Variants in MLLT10 observed in about 807,000 individuals in gnomAD.
MLLT10 encodes the protein MLLT10 histone lysine methyltransferase DOT1L cofactor.
In MLLT10, 30 loss-of-function variants were observed where a neutral mutation model predicts 129.1. That is an observed-to-expected ratio of 0.23 (90% confidence interval 0.17 to 0.32). MLLT10 has a LOEUF of 0.32. Ranked by LOEUF, MLLT10 falls within the 10% of genes least tolerant of loss-of-function variation. The pLI, the probability that MLLT10 is intolerant of heterozygous loss-of-function variation, is 1.00. For missense variants in MLLT10, 1,119 were observed against 1,268.3 expected, an observed-to-expected ratio of 0.88 and a Z score of 1.79; for synonymous variants, 490 against 446.4, an observed-to-expected ratio of 1.10 and a Z score of -1.23.
rs747115596 is a variant in MLLT10 at position 21,733,573 on chromosome 10, C to T, written c.2477C>T (p.Ser826Phe). 8 of 1,569,096 alleles carry T rather than the reference C, an allele frequency of 5.1e-6. No homozygotes were observed. The highest frequency in any genetic ancestry group is 1.2e-5 in the South Asian group (1 of 83,374). Residue 826 changes from serine (S) to phenylalanine (F), a missense_variant, in exon 19 of 23, where the codon TCT becomes TTT. Coordinates refer to ENST00000307729, the MANE Select transcript of MLLT10 (RefSeq NM_001195626.3). The stretch of plus-strand genomic sequence containing the variant: ...GGAAACAGCTTTTTACCTGATAATT[C>T]TCTTCCTGTATTAAATCAGGTAATT... ...HIGNSFLPDN[S>F]LPVLNQDLTS... is the part of the protein sequence containing the mutation.
intron 8 of MLLT10, among the ~76,000 whole-genome samples, chr10:21,620,022 C>T (rs551681065): frequency 6.6e-5 from 10 of 151,566 alleles, no homozygotes; most frequent in South Asian, 6.3e-4. Context: ...CTCTGCCTCC[C>T]GGGTTCAAGC....
chr10:21,625,252 T>G (rs578114743), intron 8 of MLLT10: 1 of 1,163,168 alleles, frequency 8.6e-7, no homozygotes, highest in African/African-American at 1.5e-5. Flanking sequence ...CTAAGACTAT[T>G]TCAAGTTCTT....
At chr10:21,734,479 G>A (rs2058203047) in intron 20 of MLLT10, among the ~76,000 whole-genome samples, 1 of 152,138 alleles carries the variant, frequency 6.6e-6, no homozygotes, top group African/African-American at 2.4e-5. Flanking sequence ...TAAAATTTAT[G>A]TAATATTTTT....
intron 14 of MLLT10, among the ~76,000 whole-genome samples, chr10:21,717,557 TTC>T (rs1245251684): frequency 1.3e-4 from 14 of 110,944 alleles, no homozygotes; most frequent in East Asian, 3.2e-4. Context: ...TTCTTTCTTC[TTC>T]TTTCTTCCTC....
chr10:21,672,844 A>G (rs1397134110), intron 10 of MLLT10, among the ~76,000 whole-genome samples: 2 of 152,224 alleles, frequency 1.3e-5, no homozygotes, highest in Non-Finnish European at 2.9e-5. Flanking sequence ...CTCATAACCT[A>G]GGAAACTTCT....
chr10:21,663,508 C>T (rs578007106), intron 9 of MLLT10, among the ~76,000 whole-genome samples: 1 of 152,040 alleles, frequency 6.6e-6, no homozygotes, highest in South Asian at 2.1e-4. Flanking sequence ...TCCCAAGTAG[C>T]TGGGATTACA....
chr10:21,567,546 G>T (rs10828252), intron 3 of MLLT10, among the ~76,000 whole-genome samples: 33,988 of 152,052 alleles, frequency 0.22, 4,820 homozygotes, highest in Middle Eastern at 0.44. Context: ...GTAGGGAGTG[G>T]ATGCTCATTA....
chr10:21,740,383 T>G (rs1298644352), intron 22 of MLLT10, 147 bp downstream of exon 22: 1 of 823,964 alleles, frequency 1.2e-6, no homozygotes, highest in Non-Finnish European at 1.9e-6. Flanking sequence ...AGGCAAAGGA[T>G]CTAAGCCAAT....
At chr10:21,561,379 C>T (rs1265604945) in intron 3 of MLLT10, among the ~76,000 whole-genome samples, 1 of 151,924 alleles carries the variant, frequency 6.6e-6, no homozygotes, top group African/African-American at 2.4e-5. Flanking sequence ...TTCTGCCTCA[C>T]CCTTCCGAGT....
At chr10:21,728,867 T>A (rs1039570709) in intron 16 of MLLT10, among the ~76,000 whole-genome samples, 1 of 96,500 alleles carries the variant, frequency 1.0e-5, no homozygotes, top group African/African-American at 4.7e-5. Flanking sequence ...ATGTCTACAA[T>A]TTTTTTTTTT....
chr10:21,739,765 G>T (rs2058679228), intron 21 of MLLT10, among the ~76,000 whole-genome samples: 1 of 152,150 alleles, frequency 6.6e-6, no homozygotes, highest in African/African-American at 2.4e-5. Context: ...CTCTTAAGCT[G>T]CTGCACTTCC....
At chr10:21,672,819 A>C (rs1462416442) in intron 10 of MLLT10, among the ~76,000 whole-genome samples, 2 of 152,220 alleles carry the variant, frequency 1.3e-5, no homozygotes, top group East Asian at 3.8e-4. Flanking sequence ...TATGTCTTAA[A>C]GTTAAAACTT....
intron 13 of MLLT10, among the ~76,000 whole-genome samples, chr10:21,710,930 C>T (rs1032985980): frequency 6.6e-6 from 1 of 152,198 alleles, no homozygotes; most frequent in African/African-American, 2.4e-5. Flanking sequence ...GGTATCACTA[C>T]ATGTACTTAC....
rs2045344397 is a variant in MLLT10 at position 21,617,118 on chromosome 10, A to T, written c.610A>T (p.Ser204Cys). Reference protein sequence around the residue: ...CKYHFSKLKKSKRGSNRSYDQ... With the variant: ...CKYHFSKLKKCKRGSNRSYDQ... ...TATATATTTTCTTTTTTAGAAAAAG[A>T]GCAAACGGGGATCTAATAGGTCATA... is the stretch of plus-strand genomic sequence containing the variant. The change falls in exon 8 of 23, where the codon AGC becomes TGC. Residue 204 changes from serine to cysteine, a missense_variant. Physicochemically the swap from Ser to Cys is moderately radical, Grantham distance 112 (BLOSUM62 -1). Around this residue, in one of 5 missense-constraint regions of MLLT10, gnomAD observed 44 missense variants for 114.3 expected, o/e 0.38. Coordinates refer to ENST00000307729, the MANE Select transcript of MLLT10 (RefSeq NM_001195626.3). 6.6e-7 allele frequency: 1 copy of T among 1,504,884 alleles called. No homozygotes were observed. Among genetic ancestry groups the T allele is most frequent in the Non-Finnish European group, 8.9e-7 (1 of 1,121,536 alleles). The allele number at this position is 1,504,884 out of a possible 1,614,324, so 93.2% of individuals were successfully genotyped here.
At chr10:21,632,993 C>CT (rs1308301406) in intron 8 of MLLT10, among the ~76,000 whole-genome samples, 1 of 152,054 alleles carries the variant, frequency 6.6e-6, no homozygotes, top group East Asian at 1.9e-4. Flanking sequence ...CTTAGAGTTC[C>CT]TTTTAACTCT....
chr10:21,551,858 G>A, intron 3 of MLLT10: 1 of 383,824 alleles, frequency 2.6e-6, no homozygotes, highest in Non-Finnish European at 5.0e-6. Context: ...GCAGTGGTGT[G>A]ATCTCAGCCC....
At chr10:21,610,154 C>T (rs2044458981) in intron 5 of MLLT10, among the ~76,000 whole-genome samples, 1 of 152,070 alleles carries the variant, frequency 6.6e-6, no homozygotes. Context: ...CTTGTTTTTC[C>T]AGTTTGTTTC....
chr10:21,686,059 T>A (rs1244480633), intron 13 of MLLT10, among the ~76,000 whole-genome samples: 7 of 152,170 alleles, frequency 4.6e-5, no homozygotes, highest in African/African-American at 1.7e-4. Flanking sequence ...TGAACTATAA[T>A]CTTTTAATAC....
intron 21 of MLLT10, among the ~76,000 whole-genome samples, chr10:21,736,867 G>A (rs74884434): frequency 2.0e-5 from 3 of 152,194 alleles, no homozygotes; most frequent in Admixed American, 2.0e-4. Flanking sequence ...AGAGCCATCA[G>A]ATTTGATGCG....
Sources: allele counts gnomAD v4.1 joint callset (sites outside exome capture counted in the v4.1 genomes callset), GRCh38; gene constraint gnomAD v4.1.1; regional missense constraint gnomAD v4.1.1; transcripts MANE v1.5; gene names NCBI Gene and HGNC (gene_info 2026-07-23, HGNC 2026-07-21).